The following EYS variants were observed in gnomAD, a reference collection of about 807,000 sequenced individuals.
EYS encodes EGF-like photoreceptor maintenance factor, also known as protein eyes shut homolog.
A neutral mutation model predicts 282.1 loss-of-function variants in EYS; 250 were observed. The observed-to-expected ratio is 0.89, with a 90% CI of 0.80 to 0.98. The LOEUF is 0.98. Ranked by LOEUF, EYS falls within the 50% of genes least tolerant of loss-of-function variation. EYS has a pLI of 0.00. For missense variants in EYS, 4,016 were observed against 3,709.0 expected, an observed-to-expected ratio of 1.08 and a Z score of -2.15; for synonymous variants, 1,355 against 1,282.9, an observed-to-expected ratio of 1.06 and a Z score of -1.20.
chr6:65,192,546 T>C (rs1214723325), intron 12 of EYS, among the ~76,000 whole-genome samples: 1 of 151,848 alleles, frequency 6.6e-6, no homozygotes, highest in Non-Finnish European at 1.5e-5. Context: ...CTGAATTTGA[T>C]GCAAATGTGA....
Position 64,535,592 on chromosome 6 carries a change from T to A in EYS, c.5644+54631A>T, listed in dbSNP as rs1280653126. Among the ~76,000 whole-genome samples the A allele has an allele frequency of 2.3e-5, 3 of 131,916 alleles. No homozygotes were observed. In the East Asian group the frequency reaches 6.5e-4, roughly 29 times the overall value. The allele number at this position is 131,916 out of a possible 152,430, so 86.5% of individuals were successfully genotyped here. Reference sequence around the variant, plus strand: ...GTTTCTACCAAAAAAAAAAAAAAAATCAGCCAGTGTGGTGGTGTGTGCCTG... The same window carrying A: ...GTTTCTACCAAAAAAAAAAAAAAAAACAGCCAGTGTGGTGGTGTGTGCCTG... On this transcript the variant is annotated intron_variant, in intron 26 of 42. Coordinates refer to ENST00000503581, the MANE Select transcript of EYS (RefSeq NM_001142800.2).
intron 2 of EYS, among the ~76,000 whole-genome samples, chr6:65,576,914 A>C (rs2127357166): frequency 1.3e-5 from 2 of 151,976 alleles, no homozygotes; most frequent in East Asian, 3.9e-4. Flanking sequence ...AAAGATATTA[A>C]AGAAAAAACA....
intron 40 of EYS, among the ~76,000 whole-genome samples, chr6:63,774,407 G>C: frequency 6.6e-6 from 1 of 152,070 alleles, no homozygotes; most frequent in East Asian, 1.9e-4. Flanking sequence ...GACCTCAGGT[G>C]ATCCACCCAT....
intron 2 of EYS, among the ~76,000 whole-genome samples, chr6:65,550,156 T>TCA (rs1266252091): frequency 3.5e-4 from 3 of 8,492 alleles, no homozygotes; most frequent in African/African-American, 3.1e-3. Context: ...TTTTTTTTTT[T>TCA]TTTTTTTTTT....
At chr6:64,063,063 C>T (rs555807836) in intron 33 of EYS, among the ~76,000 whole-genome samples, 13 of 152,152 alleles carry the variant, frequency 8.5e-5, no homozygotes, top group African/African-American at 3.1e-4. Flanking sequence ...CCTACTTACT[C>T]CTTGTCAGAC....
rs528259804 is a variant in EYS, at chr6:65,425,364, T to C, written c.863-19997A>G. ...TGTTTTCTGGTTCAAGACTGTGGCT[T>C]CCATATACACTTGTTTTCTTTATGT... On this transcript the variant is annotated intron_variant, in intron 5 of 42. Transcript: ENST00000503581. Among the ~76,000 whole-genome samples, 27 of 152,210 alleles carry C rather than the reference T, an allele frequency of 1.8e-4. 1 individual carries two copies. Among genetic ancestry groups the C allele is most frequent in the Admixed American group, 1.4e-3 (21 of 15,240 alleles).
chr6:65,350,200 T>A (rs1676080599), intron 9 of EYS, among the ~76,000 whole-genome samples: 2 of 151,606 alleles, frequency 1.3e-5, no homozygotes, highest in South Asian at 4.1e-4. Context: ...AATAGATATA[T>A]AAATAGCAGG....
At chr6:64,620,410 C>T (rs1767408845) in intron 23 of EYS, among the ~76,000 whole-genome samples, 1 of 152,118 alleles carries the variant, frequency 6.6e-6, no homozygotes, top group South Asian at 2.1e-4. Context: ...TGCTAAGACA[C>T]CCAGAAATGG....
chr6:63,919,171 G>A (rs1165337412), intron 35 of EYS, among the ~76,000 whole-genome samples: 3 of 152,088 alleles, frequency 2.0e-5, no homozygotes, highest in Non-Finnish European at 4.4e-5. Context: ...TGGTCCCAAA[G>A]GAAGGTAGCA....
At chr6:65,402,163 C>A (rs556695052) in intron 7 of EYS, among the ~76,000 whole-genome samples, 1 of 148,904 alleles carries the variant, frequency 6.7e-6, no homozygotes, top group East Asian at 1.9e-4. Context: ...GGAGACATAT[C>A]TCTCTCTTTT....
chr6:64,813,505 G>A lies in EYS; in HGVS notation c.3316C>T (p.Pro1106Ser). The A allele has an allele frequency of 1.9e-6, 3 of 1,550,320 alleles. No homozygotes were observed. The highest frequency in any genetic ancestry group is 2.6e-6 in the Non-Finnish European group (3 of 1,146,172). The change falls in exon 22 of 43, where the codon CCA becomes TCA. Residue 1106 changes from proline to serine, a missense_variant. Coordinates refer to ENST00000503581, the MANE Select transcript of EYS (RefSeq NM_001142800.2). ...KSAHGFTCIC[P>S]RGYTGAYCEK... Reference sequence around the variant, plus strand: ...CAGTATGCACCAGTGTATCCACGTGGGCAAATGCAAGTAAATCCATGTGCT... The same window carrying A: ...CAGTATGCACCAGTGTATCCACGTGAGCAAATGCAAGTAAATCCATGTGCT...
intron 33 of EYS, among the ~76,000 whole-genome samples, chr6:64,015,825 G>A (rs1407936391): frequency 3.9e-5 from 6 of 152,292 alleles, no homozygotes; most frequent in Non-Finnish European, 2.9e-5. Context: ...GGGCTGACAG[G>A]TTTGTGCACC....
intron 13 of EYS, among the ~76,000 whole-genome samples, chr6:65,052,893 A>G (rs1271036071): frequency 1.3e-5 from 2 of 151,762 alleles, no homozygotes; most frequent in Admixed American, 1.3e-4. Flanking sequence ...AAAGAATTGT[A>G]TTAAGGGATT....
At chr6:63,917,982 TG>T in intron 35 of EYS, among the ~76,000 whole-genome samples, 1 of 152,348 alleles carries the variant, frequency 6.6e-6, no homozygotes, top group African/African-American at 2.4e-5. Context: ...TGCAAAGCCT[TG>T]TTTTGTATAT....
intron 26 of EYS, among the ~76,000 whole-genome samples, chr6:64,451,391 C>A (rs1405012900): frequency 6.6e-6 from 1 of 152,102 alleles, no homozygotes; most frequent in African/African-American, 2.4e-5. Context: ...AAAAAAAGTG[C>A]AGGACCAGAT....
At chr6:64,754,188 T>G (rs923602457) in intron 22 of EYS, among the ~76,000 whole-genome samples, 1 of 152,064 alleles carries the variant, frequency 6.6e-6, no homozygotes, top group East Asian at 1.9e-4. Flanking sequence ...TCATCACACC[T>G]GTATAAATGA....
intron 2 of EYS, among the ~76,000 whole-genome samples, chr6:65,579,884 C>G (rs115867363): frequency 6.6e-6 from 1 of 151,974 alleles, no homozygotes; most frequent in Non-Finnish European, 1.5e-5. Context: ...GGGAAGGAGA[C>G]GTTTCTCACT....
At chr6:64,902,037 A>G (rs1767682912) in intron 18 of EYS, 76 bp downstream of exon 18, 6 of 953,212 alleles carry the variant, frequency 6.3e-6, no homozygotes, top group Admixed American at 2.9e-5. Context: ...TAGTTACATA[A>G]TGAGCACATG....
intron 14 of EYS, among the ~76,000 whole-genome samples, chr6:64,963,983 C>A (rs965263034): frequency 3.9e-5 from 6 of 151,978 alleles, no homozygotes; most frequent in African/African-American, 9.7e-5. Context: ...TACTTTTAAG[C>A]AATAGGGGTT....
Sources: gnomAD v4.1 joint callset for allele counts (sites outside exome capture counted in the v4.1 genomes callset) on GRCh38, gnomAD v4.1.1 for gene constraint, MANE v1.5 for transcripts, NCBI Gene and HGNC (gene_info 2026-07-23, HGNC 2026-07-21) for gene names.